CALN1: variants seen among roughly 807,000 people sequenced by gnomAD.
The protein encoded by CALN1 is calneuron 1.
In CALN1, 17 loss-of-function variants were observed where a neutral mutation model predicts 30.6. That is an observed-to-expected ratio of 0.56 (90% CI 0.38 to 0.83). The LOEUF (loss-of-function observed/expected upper bound fraction) is 0.83, where lower values mean the gene tolerates loss of function less well. Ranked by LOEUF, CALN1 falls within the 40% of genes least tolerant of loss-of-function variation. CALN1 has a pLI of 0.00. For synonymous variants in CALN1, 156 were observed against 131.4 expected, an observed-to-expected ratio of 1.19 and a Z score of -1.28; for missense variants, 291 against 354.9, an observed-to-expected ratio of 0.82 and a Z score of 1.45.
At chr7:72,409,706 A>C (rs1382490718) in intron 1 of CALN1, among the ~76,000 whole-genome samples, 2 of 152,060 alleles carry the variant, frequency 1.3e-5, no homozygotes, top group Non-Finnish European at 2.9e-5. Flanking sequence ...TATGGGCATA[A>C]ATAATTCATA....
At chr7:72,252,449 A>T (rs904074583) in intron 3 of CALN1, among the ~76,000 whole-genome samples, 1 of 151,976 alleles carries the variant, frequency 6.6e-6, no homozygotes, top group Non-Finnish European at 1.5e-5. Flanking sequence ...AAAATACAAT[A>T]AAAAATTAGC....
At chr7:72,268,747 A>C (rs1242876147) in intron 3 of CALN1, among the ~76,000 whole-genome samples, 1 of 151,246 alleles carries the variant, frequency 6.6e-6, no homozygotes, top group Non-Finnish European at 1.5e-5. Context: ...AAGTAAGCTG[A>C]GATCACACCA....
At chr7:72,391,511 C>G (rs1267218580) in intron 2 of CALN1, among the ~76,000 whole-genome samples, 1 of 152,064 alleles carries the variant, frequency 6.6e-6, no homozygotes, top group East Asian at 1.9e-4. Context: ...AAATATGGCC[C>G]CTGATATAAT....
intron 5 of CALN1, among the ~76,000 whole-genome samples, chr7:71,959,031 T>C (rs1287239740): frequency 1.3e-5 from 2 of 152,218 alleles, no homozygotes; most frequent in South Asian, 2.1e-4. Flanking sequence ...TTGTTAGTTA[T>C]AAAAGATAGG....
rs371974481 is a variant in CALN1 at position 71,855,168 on chromosome 7, A to G, written c.502-44676T>C. Among the ~76,000 whole-genome samples the G allele has an allele frequency of 1.7e-4, 26 of 152,324 alleles. No individual in the cohort carries two copies. In the South Asian group the frequency reaches 5.2e-3, roughly 30 times the overall value. On this transcript the variant is annotated intron_variant, in intron 5 of 6. Coordinates refer to ENST00000395275, the MANE Select transcript of CALN1 (RefSeq NM_031468.4). ...CATGCTAAGGGGAATTGAAAAATAA[A>G]TATGCATTCTAGCGTCGTTCTCCAA...
intron 5 of CALN1, among the ~76,000 whole-genome samples, chr7:71,852,848 A>G (rs1388720981): frequency 2.0e-5 from 3 of 152,188 alleles, no homozygotes; most frequent in Non-Finnish European, 1.5e-5. Flanking sequence ...CTTATTAGCC[A>G]TTTGTATATT....
At chr7:71,970,584 C>CA (rs1797745085) in intron 5 of CALN1, among the ~76,000 whole-genome samples, 1 of 143,666 alleles carries the variant, frequency 7.0e-6, no homozygotes, top group African/African-American at 2.6e-5. Flanking sequence ...CAAAATATAC[C>CA]TTTTTTTTTT....
intron 5 of CALN1, among the ~76,000 whole-genome samples, chr7:72,023,218 CA>C (rs1181359583): frequency 6.6e-6 from 1 of 152,130 alleles, no homozygotes; most frequent in Non-Finnish European, 1.5e-5. Flanking sequence ...AATTGAGAAG[CA>C]CTGAATACAC....
chr7:72,085,894 C>G (rs926037117), intron 4 of CALN1, among the ~76,000 whole-genome samples: 1 of 152,066 alleles, frequency 6.6e-6, no homozygotes, highest in African/African-American at 2.4e-5. Flanking sequence ...ATCCACAATG[C>G]AAATCTTCCC....
intron 2 of CALN1, among the ~76,000 whole-genome samples, chr7:72,331,218 C>T (rs529888533): frequency 2.6e-5 from 4 of 152,066 alleles, no homozygotes; most frequent in African/African-American, 4.8e-5. Flanking sequence ...GGCATGGTGG[C>T]GGGAGCCCAT....
intron 2 of CALN1, among the ~76,000 whole-genome samples, chr7:72,380,459 C>A (rs935782383): frequency 2.0e-5 from 3 of 152,060 alleles, no homozygotes; most frequent in African/African-American, 7.2e-5. Flanking sequence ...CCCGTCTCTA[C>A]GAAAAATATA....
At chr7:71,821,449 G>A (rs1237617929) in intron 5 of CALN1, among the ~76,000 whole-genome samples, 5 of 151,956 alleles carry the variant, frequency 3.3e-5, no homozygotes, top group South Asian at 2.1e-4. Flanking sequence ...ACATGGCAGC[G>A]GGCAAAAAAG....
chr7:72,065,111 A>G (rs923011213), intron 4 of CALN1, among the ~76,000 whole-genome samples: 20 of 138,370 alleles, frequency 1.4e-4, no homozygotes, highest in African/African-American at 5.2e-4. Flanking sequence ...AAATATATTT[A>G]TGTTAATATA....
chr7:71,844,946 G>A (rs894175646), intron 5 of CALN1, among the ~76,000 whole-genome samples: 2 of 151,972 alleles, frequency 1.3e-5, no homozygotes. Context: ...CTGGAGTACC[G>A]TGGCATGATC....
At chr7:71,986,709 T>G (rs76869357) in intron 5 of CALN1, among the ~76,000 whole-genome samples, 2,056 of 152,322 alleles carry the variant, frequency 0.013, 27 homozygotes, top group Middle Eastern at 0.038. Context: ...TTTCACCTCT[T>G]TAGAAATTCT....
At chr7:72,355,387 G>A (rs376530018) in intron 2 of CALN1, among the ~76,000 whole-genome samples, 112 of 152,198 alleles carry the variant, frequency 7.4e-4, no homozygotes, top group South Asian at 1.2e-3. Context: ...TTAGCTAGGC[G>A]TGGTGGCGCA....
At chr7:72,436,499 A>G (rs1438208534) in intron 1 of CALN1, among the ~76,000 whole-genome samples, 1 of 152,212 alleles carries the variant, frequency 6.6e-6, no homozygotes, top group Non-Finnish European at 1.5e-5. Context: ...TTTATCAGCA[A>G]CATGAGAACA....
At chr7:72,083,433 A>T (rs187384019) in intron 4 of CALN1, among the ~76,000 whole-genome samples, 1 of 152,170 alleles carries the variant, frequency 6.6e-6, no homozygotes, top group Admixed American at 6.5e-5. Context: ...TGTGTTTAAA[A>T]ATCAGCCAGG....
chr7:72,330,406 T>C (rs1268673915), intron 2 of CALN1, among the ~76,000 whole-genome samples: 5 of 144,524 alleles, frequency 3.5e-5, no homozygotes, highest in Non-Finnish European at 7.4e-5. Context: ...AAGCAGAGGC[T>C]GCAGGGAGCC....
Sources: allele counts gnomAD v4.1 joint callset (sites outside exome capture counted in the v4.1 genomes callset), GRCh38; gene constraint gnomAD v4.1.1; transcripts MANE v1.5; gene names NCBI Gene and HGNC (gene_info 2026-07-23, HGNC 2026-07-21).